Variants in GBP7 observed in about 807,000 individuals in gnomAD.
GBP7 encodes the protein guanylate-binding protein 7.
A neutral mutation model predicts 61.3 loss-of-function variants in GBP7; 43 were observed. That is an observed-to-expected ratio of 0.70 (90% CI 0.55 to 0.91). GBP7 has a LOEUF of 0.91. Among genes scored for constraint, GBP7 ranks in the 40% least tolerant of loss-of-function variants. GBP7 has a pLI of 0.00. For synonymous variants in GBP7, 267 were observed against 271.0 expected (o/e 0.99, Z 0.14); for missense variants, 717 against 740.5 (o/e 0.97, Z 0.37).
intron 8 of GBP7, among the ~76,000 whole-genome samples, chr1:89,147,146 C>A (rs531700073): frequency 3.9e-5 from 6 of 152,314 alleles, no homozygotes; most frequent in African/African-American, 1.2e-4. Flanking sequence ...CCATTCATTT[C>A]ATCATCACCA....
In GBP7 at chr1:89,133,444, C is replaced by T. The variant is rs990550900; in HGVS notation, c.1476G>A (p.Gln492=). ...CCTTTTCAGCTGCCTCCTTCTTAGC[C>T]TGCTTAGCTGTTCCACCGAGGTTTT... The part of the protein sequence containing the change: ...TAGEKAIAAK[Q]AKKEAAEKEQ... Residue 492 remains glutamine (Q), a synonymous_variant, in exon 10 of 11, where the codon CAG becomes CAA. Coordinates refer to ENST00000294671, the MANE Select transcript of GBP7 (RefSeq NM_207398.3). The T allele has an allele frequency of 6.2e-7, 1 of 1,613,682 alleles. No homozygotes were observed. The highest frequency in any genetic ancestry group is 8.5e-7 in the Non-Finnish European group (1 of 1,179,886).
chr1:89,153,398 G>A (rs924176370), intron 3 of GBP7, among the ~76,000 whole-genome samples: 4 of 152,136 alleles, frequency 2.6e-5, no homozygotes, highest in African/African-American at 9.7e-5. Context: ...TCTTTCTTTA[G>A]ATATTAAAAG....
chr1:89,174,563 T>C (rs1315597585), intron 1 of GBP7, among the ~76,000 whole-genome samples: 1 of 152,214 alleles, frequency 6.6e-6, no homozygotes, highest in Non-Finnish European at 1.5e-5. Flanking sequence ...GTGTTATACA[T>C]ATCTCTATAC....
chr1:89,156,605 A>G (rs1428262615), intron 3 of GBP7, among the ~76,000 whole-genome samples: 1 of 152,190 alleles, frequency 6.6e-6, no homozygotes, highest in Non-Finnish European at 1.5e-5. Flanking sequence ...TGAAAGAGAC[A>G]AAGAAGGCCA....
At chr1:89,150,756 A>C (rs1016904087) in intron 5 of GBP7, among the ~76,000 whole-genome samples, 181 bp from the exon 6 acceptor site, 3 of 152,186 alleles carry the variant, frequency 2.0e-5, no homozygotes, top group Admixed American at 6.5e-5. Context: ...TGAAAAGTCA[A>C]TTTCTGCACA....
At chr1:89,166,659 C>T (rs1647451524) in intron 2 of GBP7, among the ~76,000 whole-genome samples, 1 of 152,222 alleles carries the variant, frequency 6.6e-6, no homozygotes, top group African/African-American at 2.4e-5. Flanking sequence ...GAAATGAAGT[C>T]AGCAGACCAT....
chr1:89,174,808 T>C (rs1054233205), intron 1 of GBP7, among the ~76,000 whole-genome samples: 3 of 152,216 alleles, frequency 2.0e-5, no homozygotes, highest in South Asian at 2.1e-4. Context: ...CATTTGAAGA[T>C]TGATTCTTTA....
intron 2 of GBP7, among the ~76,000 whole-genome samples, chr1:89,169,580 T>A (rs893311735): frequency 8.5e-5 from 13 of 152,186 alleles, no homozygotes; most frequent in Non-Finnish European, 1.9e-4. Flanking sequence ...AATTTTGAAT[T>A]CTTCTAGGTT....
chr1:89,151,115 T>A (rs1395493668), intron 5 of GBP7, among the ~76,000 whole-genome samples: 7 of 152,140 alleles, frequency 4.6e-5, no homozygotes, highest in Non-Finnish European at 1.5e-5. Flanking sequence ...TACAATATTG[T>A]TAAGGATAGT....
intron 2 of GBP7, among the ~76,000 whole-genome samples, chr1:89,170,082 A>G (rs573499088): frequency 7.2e-5 from 11 of 152,158 alleles, no homozygotes; most frequent in Non-Finnish European, 1.5e-4. Flanking sequence ...TGTACCAGTG[A>G]TCCCTTTTTA....
intron 3 of GBP7, among the ~76,000 whole-genome samples, chr1:89,160,983 T>A (rs1444911213): frequency 6.6e-6 from 1 of 152,148 alleles, no homozygotes; most frequent in Admixed American, 6.6e-5. Flanking sequence ...TCCCTCTATG[T>A]GTCCATGTGT....
intron 8 of GBP7, among the ~76,000 whole-genome samples, chr1:89,143,947 A>T (rs969627874): frequency 6.6e-6 from 1 of 152,156 alleles, no homozygotes; most frequent in Non-Finnish European, 1.5e-5. Context: ...CGTGATACTG[A>T]GGTTTGGGCT....
At chr1:89,138,383 G>A (rs1681857236) in intron 9 of GBP7, among the ~76,000 whole-genome samples, 1 of 152,012 alleles carries the variant, frequency 6.6e-6, no homozygotes, top group Non-Finnish European at 1.5e-5. Context: ...AAAGAACAAA[G>A]CCAGAGACAT....
Position 89,144,366 on chromosome 1 carries a change from G to A in GBP7, c.1366-2718C>T, listed in dbSNP as rs188606117. The stretch of plus-strand genomic sequence containing the variant: ...AGTGTGGGTGTCTTTTTGGTAGAAT[G>A]TTTTATTTTCCTTTGGGTGTATACC... On this transcript the variant is annotated intron_variant, in intron 8 of 10. Transcript: ENST00000294671. Among the ~76,000 whole-genome samples, 411 of 152,224 alleles carry A rather than the reference G, an allele frequency of 2.7e-3. 2 individuals carry two copies. Among genetic ancestry groups the A allele is most frequent in the African/African-American group, 9.4e-3 (389 of 41,544 alleles).
chr1:89,173,531 G>A (rs1275661910), intron 1 of GBP7, among the ~76,000 whole-genome samples: 1 of 152,066 alleles, frequency 6.6e-6, no homozygotes, highest in East Asian at 1.9e-4. Flanking sequence ...ATAAGTCTGT[G>A]GAAAAATAAA....
chr1:89,132,113 G>T lies in GBP7; in HGVS notation c.*36C>A. 1 of 1,533,162 alleles carries T rather than the reference G, an allele frequency of 6.5e-7. No individual in the cohort carries two copies. Among genetic ancestry groups the T allele is most frequent in the South Asian group, 1.2e-5 (1 of 81,180 alleles). The allele number at this position is 1,533,162 out of a possible 1,614,324, so 95.0% of individuals were successfully genotyped here. Reference sequence around the variant, plus strand: ...GCAATAACACATATACTTTTAAAATGAGCAACAGCGTTATACCATTTTAAC... The same window carrying T: ...GCAATAACACATATACTTTTAAAATTAGCAACAGCGTTATACCATTTTAAC... On this transcript the variant is annotated 3_prime_UTR_variant, in exon 11 of 11. Transcript: ENST00000294671.
intron 2 of GBP7, among the ~76,000 whole-genome samples, chr1:89,166,287 G>T (rs1337930303): frequency 1.3e-5 from 2 of 152,144 alleles, no homozygotes; most frequent in African/African-American, 4.8e-5. Flanking sequence ...TTAACAGAAG[G>T]TTATCCAAAT....
chr1:89,143,716 G>C (rs1682005199), intron 8 of GBP7, among the ~76,000 whole-genome samples: 2 of 152,234 alleles, frequency 1.3e-5, no homozygotes, highest in South Asian at 4.1e-4. Flanking sequence ...GTGAGAGAGA[G>C]TGGAGGTGCC....
Position 89,133,266 on chromosome 1 carries a change from T to G in GBP7, c.1654A>C (p.Lys552Gln), listed in dbSNP as rs1248422412. Residue 552 changes from lysine to glutamine, a missense_variant, in exon 10 of 11, where the codon AAG (lysine) becomes CAG (glutamine). Around this residue, in one of 3 missense-constraint regions of GBP7, gnomAD observed 312 missense variants for 310.1 expected, o/e 1.01. Transcript: ENST00000294671. ...GCTTCATCCAGACTCACCTTCATCT[T>G]GTGACTCAACATCTTTCTCAGTTCT... The part of the protein sequence containing the change: ...MRELRKMLSH[K>Q]MKVLEELLTE... The G allele has an allele frequency of 1.9e-6, 3 of 1,613,034 alleles. No homozygotes were observed.
Sources: allele counts gnomAD v4.1 joint callset (sites outside exome capture counted in the v4.1 genomes callset), GRCh38; gene constraint gnomAD v4.1.1; regional missense constraint gnomAD v4.1.1; transcripts MANE v1.5; gene names NCBI Gene and HGNC (gene_info 2026-07-23, HGNC 2026-07-21).